SLAMF7: variants seen among roughly 807,000 people sequenced by gnomAD.
SLAMF7 encodes the protein SLAM family member 7, also known as 19A24 protein.
A neutral mutation model predicts 34.1 loss-of-function variants in SLAMF7; 26 were observed. The ratio of observed to expected loss-of-function variants is 0.76; its 90% CI spans 0.56 to 1.06. The LOEUF (loss-of-function observed/expected upper bound fraction) is 1.06, where lower values mean the gene tolerates loss of function less well. Among genes scored for constraint, SLAMF7 ranks in the 50% least tolerant of loss-of-function variants. SLAMF7 has a pLI of 0.00. For synonymous variants in SLAMF7, 171 were observed against 156.4 expected (o/e 1.09, Z -0.70); for missense variants, 399 against 402.5 (o/e 0.99, Z 0.07).
At chr1:160,752,357 A>G in intron 6 of SLAMF7, 109 bp downstream of exon 6, 1 of 780,250 alleles carries the variant, frequency 1.3e-6, no homozygotes, top group South Asian at 1.6e-5. Flanking sequence ...TCTAGAATTA[A>G]AAAGTACCCT....
At position 160,748,086 on chromosome 1, in the gene SLAMF7, G is replaced by T. The variant is rs930280600; in HGVS notation, c.56-108G>T. ...CCAAAGGCTTTTCCAGGAGGTTGTT[G>T]TGTTGGACTGAGTGGGTTTCTCAGA... On this transcript the variant is annotated intron_variant, in intron 1 of 6. Transcript: ENST00000368043. The T allele has an allele frequency of 1.6e-5, 18 of 1,107,488 alleles. No homozygotes were observed. In the African/African-American group the frequency reaches 2.7e-4, roughly 17 times the overall value. The allele number at this position is 1,107,488 out of a possible 1,614,324, so 68.6% of individuals were successfully genotyped here. A position where few individuals can be genotyped will look rare whatever the true frequency, so the allele number is the denominator to read the frequency against.
intron 1 of SLAMF7, among the ~76,000 whole-genome samples, chr1:160,744,191 C>T (rs747401754): frequency 2.0e-5 from 3 of 152,182 alleles, no homozygotes; most frequent in Non-Finnish European, 2.9e-5. Flanking sequence ...TATAGGGTCA[C>T]ACACTGCAGG....
intron 1 of SLAMF7, among the ~76,000 whole-genome samples, chr1:160,746,393 C>T (rs1484726577): frequency 6.6e-6 from 1 of 152,178 alleles, no homozygotes; most frequent in Non-Finnish European, 1.5e-5. Flanking sequence ...GATCCTATAG[C>T]TTGGCTGTTT....
chr1:160,746,201 G>A (rs1021582813), intron 1 of SLAMF7, among the ~76,000 whole-genome samples: 2 of 152,136 alleles, frequency 1.3e-5, no homozygotes, highest in Non-Finnish European at 2.9e-5. Flanking sequence ...AATGAATATA[G>A]CAATAACAAT....
Position 160,753,329 on chromosome 1 carries a change from CT to C in SLAMF7, c.*155del. On this transcript the variant is annotated 3_prime_UTR_variant, in exon 7 of 7. Transcript: ENST00000368043. ...CCAGGATAAATTATCTCTGATGCTT[CT>C]TTAGATTTAAGAGTTCATAATTCCA... is the stretch of plus-strand genomic sequence containing the variant. 1.5e-6 allele frequency: 1 copy of C among 664,962 alleles called. No homozygotes were observed. The highest frequency in any genetic ancestry group is 2.6e-6 in the Non-Finnish European group (1 of 392,146). The allele number at this position is 664,962 out of a possible 1,614,324, so 41.2% of individuals were successfully genotyped here.
intron 1 of SLAMF7, chr1:160,739,662 T>C (rs1663574434): frequency 6.9e-6 from 2 of 288,758 alleles, no homozygotes; most frequent in East Asian, 7.0e-5. Context: ...AGATAAGGAA[T>C]GTTAAAGTTT....
Position 160,753,270 on chromosome 1 carries a change from A to T in SLAMF7, c.*93A>T. On this transcript the variant is annotated 3_prime_UTR_variant, in exon 7 of 7. Coordinates refer to ENST00000368043, the MANE Select transcript of SLAMF7 (RefSeq NM_021181.5). ...GAAGAATTCACTGATTTGACTAGAAACATCAAGGAAGAATGAAGAACGTTG... is the reference window on the plus strand; with the variant it reads ...GAAGAATTCACTGATTTGACTAGAATCATCAAGGAAGAATGAAGAACGTTG... 9.4e-7 allele frequency: 1 copy of T among 1,064,006 alleles called. No individual in the cohort carries two copies. Among genetic ancestry groups the T allele is most frequent in the Non-Finnish European group, 1.4e-6 (1 of 715,228 alleles). The allele number at this position is 1,064,006 out of a possible 1,614,324, so 65.9% of individuals were successfully genotyped here.
At chr1:160,744,527 T>A (rs1369190366) in intron 1 of SLAMF7, among the ~76,000 whole-genome samples, 3 of 152,244 alleles carry the variant, frequency 2.0e-5, no homozygotes, top group African/African-American at 7.2e-5. Flanking sequence ...AACATTTTCT[T>A]ATATCCCACA....
chr1:160,739,571 C>G (rs1336291379), intron 1 of SLAMF7: 60 of 488,866 alleles, frequency 1.2e-4, no homozygotes, highest in Non-Finnish European at 4.0e-5. Flanking sequence ...CCCCTGTTGA[C>G]TGTCCCAGGG....
intron 1 of SLAMF7, among the ~76,000 whole-genome samples, chr1:160,746,483 TTA>T (rs1326498594): frequency 1.3e-5 from 2 of 152,182 alleles, no homozygotes; most frequent in Non-Finnish European, 2.9e-5. Context: ...CCCTGACACT[TTA>T]TGTTAAGAGG....
chr1:160,745,056 A>G (rs1233218757), intron 1 of SLAMF7, among the ~76,000 whole-genome samples: 3 of 152,214 alleles, frequency 2.0e-5, no homozygotes, highest in Non-Finnish European at 2.9e-5. Context: ...ATATGTACCA[A>G]CTGATACATT....
At chr1:160,748,663 C>A (rs1017934257) in intron 2 of SLAMF7, 149 bp downstream of exon 2, 4 of 727,804 alleles carry the variant, frequency 5.5e-6, no homozygotes, top group African/African-American at 1.8e-5. Context: ...ATGTAGCTGA[C>A]CCCTGAGGTC....
intron 5 of SLAMF7, 173 bp from the exon 6 acceptor site, chr1:160,752,013 A>G (rs1217059676): frequency 1.8e-6 from 1 of 541,542 alleles, no homozygotes; most frequent in African/African-American, 1.9e-5. Flanking sequence ...AATAGCAGTC[A>G]CCAACAAGAG....
At chr1:160,741,588 T>C (rs1228877340) in intron 1 of SLAMF7, among the ~76,000 whole-genome samples, 2 of 152,178 alleles carry the variant, frequency 1.3e-5, no homozygotes, top group Non-Finnish European at 2.9e-5. Context: ...CATGGTTTCC[T>C]TTTATGGAAT....
At chr1:160,740,064 C>T (rs2101648460) in intron 1 of SLAMF7, among the ~76,000 whole-genome samples, 1 of 152,100 alleles carries the variant, frequency 6.6e-6, no homozygotes. Flanking sequence ...ATGAGGTCCC[C>T]CTATAAGGAC....
In SLAMF7 at chr1:160,739,248, T is replaced by C; in HGVS notation, c.-54T>C. The C allele has an allele frequency of 6.6e-7, 1 of 1,517,612 alleles. No individual in the cohort carries two copies. Among genetic ancestry groups the C allele is most frequent in the Non-Finnish European group, 9.2e-7 (1 of 1,092,262 alleles). 94.0% of individuals were successfully genotyped at this position (1,517,612 alleles called of 1,614,324 possible). ...ATATCAGCTGGGGAAGAGGTCTGAG[T>C]AATACCTAAGAGGGAAGTGGCTTCA... is the stretch of plus-strand genomic sequence containing the variant. On this transcript the variant is annotated 5_prime_UTR_variant, in exon 1 of 7. Coordinates refer to ENST00000368043, the MANE Select transcript of SLAMF7 (RefSeq NM_021181.5).
chr1:160,743,777 C>T (rs1663928225), intron 1 of SLAMF7, among the ~76,000 whole-genome samples: 1 of 152,198 alleles, frequency 6.6e-6, no homozygotes, highest in Non-Finnish European at 1.5e-5. Flanking sequence ...CAGCCTCCAC[C>T]TTCTGGGTTC....
chr1:160,741,054 G>C (rs1663704934), intron 1 of SLAMF7, among the ~76,000 whole-genome samples: 2 of 152,138 alleles, frequency 1.3e-5, no homozygotes, highest in African/African-American at 2.4e-5. Context: ...TCCCTCTCCA[G>C]GTACATAAAT....
In SLAMF7 at chr1:160,748,263, A is replaced by G; in HGVS notation, c.125A>G (p.Lys42Arg). 1 of 1,614,072 alleles carries G rather than the reference A, an allele frequency of 6.2e-7. No homozygotes were observed. Among genetic ancestry groups the G allele is most frequent in the Non-Finnish European group, 8.5e-7 (1 of 1,179,958 alleles). Residue 42 changes from lysine (K) to arginine (R), a missense_variant, in exon 2 of 7, where the codon AAG (lysine) becomes AGG (arginine). By Grantham distance (26) the Lys-to-Arg change is conservative. Coordinates refer to ENST00000368043, the MANE Select transcript of SLAMF7 (RefSeq NM_021181.5). ...GGTGGGGCCGTGACTTTCCCCCTGA[A>G]GTCCAAAGTAAAGCAAGTTGACTCT... ...SVGGAVTFPL[K>R]SKVKQVDSIV... is the part of the protein sequence containing the mutation.
Sources: allele counts gnomAD v4.1 joint callset (sites outside exome capture counted in the v4.1 genomes callset), GRCh38; gene constraint gnomAD v4.1.1; transcripts MANE v1.5; gene names NCBI Gene and HGNC (gene_info 2026-07-23, HGNC 2026-07-21).